The following ARHGEF10 variants were observed in gnomAD, a reference collection of about 807,000 sequenced individuals.
ARHGEF10 encodes Rho guanine nucleotide exchange factor 10.
Under a neutral mutation model 147.4 loss-of-function variants are expected in ARHGEF10, and 140 were observed. The ratio of observed to expected loss-of-function variants is 0.95; its 90% confidence interval spans 0.83 to 1.09. ARHGEF10 has a LOEUF of 1.09. ARHGEF10 is among the 50% of genes least tolerant of loss of function. The pLI is 0.00. For synonymous variants in ARHGEF10, 902 were observed against 695.8 expected (o/e 1.30, Z -4.67); for missense variants, 2,222 against 1,752.7 (o/e 1.27, Z -4.78).
chr8:1,856,363 G>A (rs770009050), intron 2 of ARHGEF10, among the ~76,000 whole-genome samples: 11 of 152,326 alleles, frequency 7.2e-5, no homozygotes, highest in South Asian at 2.1e-4. Flanking sequence ...CATCCCCACC[G>A]TCCTTGCAGT....
chr8:1,935,721 C>T (rs1813539069), intron 26 of ARHGEF10, among the ~76,000 whole-genome samples: 1 of 152,234 alleles, frequency 6.6e-6, no homozygotes, highest in Non-Finnish European at 1.5e-5. Flanking sequence ...TCCATTGCAA[C>T]CTTGTTGGTA....
intron 26 of ARHGEF10, chr8:1,943,685 A>C (rs1814291910): frequency 6.6e-6 from 1 of 152,238 alleles, no homozygotes; most frequent in African/African-American, 2.4e-5. Flanking sequence ...CCAAGTCACA[A>C]GTCAGTGATG....
intron 1 of ARHGEF10, among the ~76,000 whole-genome samples, chr8:1,828,921 G>T (rs1482378619): frequency 6.6e-6 from 1 of 152,112 alleles, no homozygotes; most frequent in Non-Finnish European, 1.5e-5. Flanking sequence ...AAATAAAGCA[G>T]TGATTTCAGT....
At chr8:1,837,261 C>T (rs371630856) in intron 1 of ARHGEF10, among the ~76,000 whole-genome samples, 7 of 147,358 alleles carry the variant, frequency 4.8e-5, no homozygotes, top group Admixed American at 1.4e-4. Flanking sequence ...AGCCGCAGGA[C>T]GGTCGGGGGC....
At chr8:1,847,964 T>C (rs1003445908) in intron 2 of ARHGEF10, among the ~76,000 whole-genome samples, 1 of 152,328 alleles carries the variant, frequency 6.6e-6, no homozygotes, top group East Asian at 1.9e-4. Flanking sequence ...AAGTTCTTCA[T>C]GGACTTGGAA....
intron 2 of ARHGEF10, among the ~76,000 whole-genome samples, chr8:1,845,055 C>G (rs1804448262): frequency 6.6e-6 from 1 of 152,182 alleles, no homozygotes; most frequent in African/African-American, 2.4e-5. Context: ...GGGAGGTTCA[C>G]TTGAGCACGG....
rs117462452 is a variant in ARHGEF10 at position 1,831,934 on chromosome 8, G to A, written c.-48+7821G>A. Among the ~76,000 whole-genome samples, 140 of 152,284 alleles carry A rather than the reference G, an allele frequency of 9.2e-4. No individual in the cohort carries two copies. The East Asian group carries it at 0.025, about 27-fold the overall frequency. On this transcript the variant is annotated intron_variant, in intron 1 of 28. Coordinates refer to ENST00000349830, the MANE Select transcript of ARHGEF10 (RefSeq NM_014629.4). The stretch of plus-strand genomic sequence containing the variant: ...GTGGAGTTGGATGGGCTCCCTTCCC[G>A]CAGCTGCCTGTGGAAACCAGCACGT...
At chr8:1,880,256 C>T (rs1017516139) in intron 9 of ARHGEF10, 92 bp downstream of exon 9, 26 of 900,630 alleles carry the variant, frequency 2.9e-5, no homozygotes, top group Middle Eastern at 3.2e-4. Context: ...GTCTCAACAG[C>T]GGTTCTCAAA....
intron 11 of ARHGEF10, among the ~76,000 whole-genome samples, chr8:1,889,049 C>T (rs1241688575): frequency 1.6e-5 from 1 of 62,278 alleles, no homozygotes; most frequent in East Asian, 5.7e-4. Flanking sequence ...GAGTGGGGTG[C>T]GGGTCATGAG....
intron 26 of ARHGEF10, among the ~76,000 whole-genome samples, chr8:1,936,917 C>T (rs895874247): frequency 2.6e-5 from 4 of 152,092 alleles, no homozygotes; most frequent in African/African-American, 7.2e-5. Context: ...AAGGGCTCTC[C>T]GGCTGGCCCC....
chr8:1,890,450 T>G (rs1309481588), intron 11 of ARHGEF10, among the ~76,000 whole-genome samples: 2 of 139,950 alleles, frequency 1.4e-5, no homozygotes, highest in Admixed American at 7.1e-5. Flanking sequence ...GAGGAGACAG[T>G]GAGTGGGGTG....
At chr8:1,854,774 T>G (rs2129066230) in intron 2 of ARHGEF10, among the ~76,000 whole-genome samples, 1 of 152,362 alleles carries the variant, frequency 6.6e-6, no homozygotes, top group South Asian at 2.1e-4. Flanking sequence ...CTCGTCATTC[T>G]CTCATTCATT....
intron 2 of ARHGEF10, among the ~76,000 whole-genome samples, chr8:1,846,338 G>T (rs1804561534): frequency 6.6e-6 from 1 of 152,180 alleles, no homozygotes; most frequent in South Asian, 2.1e-4. Context: ...ATAGAAATAG[G>T]GATAATGGCC....
intron 1 of ARHGEF10, among the ~76,000 whole-genome samples, chr8:1,842,005 C>T (rs1804117771): frequency 2.5e-5 from 2 of 80,972 alleles, no homozygotes; most frequent in Non-Finnish European, 5.2e-5. Flanking sequence ...GCGGCGGGAA[C>T]TGGGGCCGCG....
intron 26 of ARHGEF10, among the ~76,000 whole-genome samples, chr8:1,936,609 G>A (rs1020491080): frequency 1.3e-5 from 2 of 151,968 alleles, no homozygotes; most frequent in African/African-American, 4.8e-5. Flanking sequence ...CTCTGAAGAC[G>A]TTCTAATGAC....
chr8:1,839,260 GGT>G (rs1200291288), intron 1 of ARHGEF10, among the ~76,000 whole-genome samples: 4 of 149,638 alleles, frequency 2.7e-5, no homozygotes, highest in African/African-American at 1.0e-4. Context: ...GTCCGCTGTG[GGT>G]ACTGTCTGGT....
intron 6 of ARHGEF10, among the ~76,000 whole-genome samples, 163 bp downstream of exon 6, chr8:1,866,765 C>G (rs369067813): frequency 1.6e-4 from 25 of 152,228 alleles, no homozygotes; most frequent in African/African-American, 6.0e-4. Flanking sequence ...AGAAGTTTCC[C>G]CGGGTTCCCT....
chr8:1,914,028 C>T (rs1410394160), intron 18 of ARHGEF10, among the ~76,000 whole-genome samples: 1 of 152,126 alleles, frequency 6.6e-6, no homozygotes, highest in Non-Finnish European at 1.5e-5. Context: ...AAACACAGTA[C>T]CTCCCCCACA....
rs1169135395 is a variant in ARHGEF10, at chr8:1,957,176, C to T, written c.3948C>T (p.Arg1316=). The change falls in exon 29 of 29, where the codon CGC becomes CGT. Residue 1316 remains arginine (R), a synonymous_variant. Coordinates refer to ENST00000349830, the MANE Select transcript of ARHGEF10 (RefSeq NM_014629.4). The part of the protein sequence containing the change: ...ALVVCGGQGH[R]RVHRKARQPH... ...TGGTCTGTGGAGGGCAGGGCCACCGCCGGGTGCACAGGAAGGCCCGGCAGC... is the reference window on the plus strand; with the variant it reads ...TGGTCTGTGGAGGGCAGGGCCACCGTCGGGTGCACAGGAAGGCCCGGCAGC... The T allele has an allele frequency of 6.2e-7, 1 of 1,612,474 alleles. No homozygotes were observed.
Sources: gnomAD v4.1 joint callset for allele counts (sites outside exome capture counted in the v4.1 genomes callset) on GRCh38, gnomAD v4.1.1 for gene constraint, MANE v1.5 for transcripts, NCBI Gene and HGNC (gene_info 2026-07-23, HGNC 2026-07-21) for gene names.